PLSCR2: variants seen among roughly 807,000 people sequenced by gnomAD.
The protein encoded by PLSCR2 is phospholipid scramblase 2.
Under a neutral mutation model 25.3 loss-of-function variants are expected in PLSCR2, and 18 were observed. The observed-to-expected ratio is 0.71, with a 90% CI of 0.49 to 1.06. The LOEUF is 1.06. Ranked by LOEUF, PLSCR2 falls within the 50% of genes least tolerant of loss-of-function variation. The probability of loss-of-function intolerance (pLI) is 0.00; values close to 1 mark genes in which losing one functional copy is unlikely to be tolerated. For synonymous variants in PLSCR2, 88 were observed against 87.3 expected, an observed-to-expected ratio of 1.01 and a Z score of -0.04; for missense variants, 243 against 269.5, an observed-to-expected ratio of 0.90 and a Z score of 0.69.
At chr3:146,477,039 A>T in intron 1 of PLSCR2, among the ~76,000 whole-genome samples, 1 of 152,244 alleles carries the variant, frequency 6.6e-6, no homozygotes, top group African/African-American at 2.4e-5. Flanking sequence ...CTCGGATCTC[A>T]TGCCTCCCAG....
At chr3:146,403,323 T>C (rs545218727) in intron 2 of PLSCR2, among the ~76,000 whole-genome samples, 1 of 152,328 alleles carries the variant, frequency 6.6e-6, no homozygotes, top group South Asian at 2.1e-4. Context: ...GTGGTAGTTC[T>C]CAAATTTAAG....
chr3:146,449,877 G>A (rs1359308710), intron 5 of PLSCR2, among the ~76,000 whole-genome samples: 1 of 152,156 alleles, frequency 6.6e-6, no homozygotes, highest in Non-Finnish European at 1.5e-5. Flanking sequence ...GCCTAGAAAA[G>A]AAGACTGACA....
intron 2 of PLSCR2, among the ~76,000 whole-genome samples, chr3:146,408,667 G>A (rs945061144): frequency 5.3e-5 from 8 of 152,026 alleles, no homozygotes; most frequent in South Asian, 2.1e-4. Flanking sequence ...TTAAGAGCAC[G>A]GCTATTTTCG....
At chr3:146,483,711 A>C (rs567433426) in intron 1 of PLSCR2, among the ~76,000 whole-genome samples, 1 of 151,320 alleles carries the variant, frequency 6.6e-6, no homozygotes, top group Non-Finnish European at 1.5e-5. Flanking sequence ...TGACTGTTGA[A>C]AGAAAAGCAA....
exon 5 of PLSCR2, chr3:146,454,058 G>A (rs878888579): frequency 1.2e-6 from 2 of 1,610,064 alleles, no homozygotes; most frequent in Non-Finnish European, 1.7e-6. Flanking sequence ...CTAATTTTTA[G>A]TACATCCTCT....
chr3:146,483,859 C>A (rs1368120288), intron 1 of PLSCR2, among the ~76,000 whole-genome samples: 1 of 151,828 alleles, frequency 6.6e-6, no homozygotes, highest in African/African-American at 2.4e-5. Flanking sequence ...ACTAAAAATG[C>A]AAATGGCCAG....
intron 1 of PLSCR2, among the ~76,000 whole-genome samples, chr3:146,474,503 G>A (rs2042221513): frequency 6.6e-6 from 1 of 152,126 alleles, no homozygotes; most frequent in Non-Finnish European, 1.5e-5. Context: ...TGAGAGGTCT[G>A]TTTTTATCTG....
chr3:146,476,425 C>T (rs1490859811), intron 1 of PLSCR2, among the ~76,000 whole-genome samples: 2 of 152,224 alleles, frequency 1.3e-5, no homozygotes, highest in Non-Finnish European at 2.9e-5. Flanking sequence ...GCCCATGCTA[C>T]CAGGGCCTTG....
rs76056501 is a variant in PLSCR2 at position 146,408,830 on chromosome 3, G to C, written c.101-12909C>G. Among the ~76,000 whole-genome samples, 64 of 152,262 alleles carry C rather than the reference G, an allele frequency of 4.2e-4. No individual in the cohort carries two copies. The East Asian group carries it at 0.011, about 25-fold the overall frequency. ...GTGGCTCCCTTAATACCCATGAGGA[G>C]ATACTGGTGAAAATCATCTAAAGCT... On this transcript the variant is annotated intron_variant and NMD_transcript_variant, in intron 2 of 3. Coordinates refer to the PLSCR2 transcript ENST00000463633.
intron 1 of PLSCR2, among the ~76,000 whole-genome samples, chr3:146,485,943 C>T (rs1244204027): frequency 6.6e-6 from 1 of 152,078 alleles, no homozygotes; most frequent in Non-Finnish European, 1.5e-5. Context: ...CATTCACTAT[C>T]ATGAGAACAG....
At chr3:146,477,964 C>G (rs2042980449) in intron 1 of PLSCR2, among the ~76,000 whole-genome samples, 1 of 152,172 alleles carries the variant, frequency 6.6e-6, no homozygotes, top group African/African-American at 2.4e-5. Flanking sequence ...CCCAGGCAAA[C>G]AGCGTCTGGA....
At chr3:146,406,007 G>A (rs1400725475) in intron 2 of PLSCR2, among the ~76,000 whole-genome samples, 1 of 152,078 alleles carries the variant, frequency 6.6e-6, no homozygotes, top group Non-Finnish European at 1.5e-5. Flanking sequence ...TTTTTGGATG[G>A]TGAACATAGT....
At chr3:146,393,220 G>C (rs1443400944) in intron 3 of PLSCR2, among the ~76,000 whole-genome samples, 2 of 151,162 alleles carry the variant, frequency 1.3e-5, no homozygotes, top group African/African-American at 4.9e-5. Context: ...AGCAGAGACA[G>C]GGTTTCACCG....
intron 2 of PLSCR2, among the ~76,000 whole-genome samples, chr3:146,404,809 C>CA (rs765756845): frequency 0.02 from 912 of 45,014 alleles, 25 homozygotes; most frequent in African/African-American, 0.046. Flanking sequence ...AAGAAATAGG[C>CA]AAAAAAAAAA....
rs55981337 is a variant in PLSCR2, at chr3:146,451,137, G to A, written c.484-1770C>T. 4.7e-3 allele frequency among the ~76,000 whole-genome samples: 504 copies of A among 106,316 alleles called. 4 individuals are homozygous for A. The highest frequency in any genetic ancestry group is 0.017 in the African/African-American group (464 of 27,400). 69.7% of individuals were successfully genotyped at this position (106,316 alleles called of 152,430 possible). A position where few individuals can be genotyped will look rare whatever the true frequency, so the allele number is the denominator to read the frequency against. ...TTTTTTTTTTTTTTTTTTTTGAGACGAAGTCTTGCTCTTGTCCCCCAGGCT... is the reference window on the plus strand; with the variant it reads ...TTTTTTTTTTTTTTTTTTTTGAGACAAAGTCTTGCTCTTGTCCCCCAGGCT... On this transcript the variant is annotated intron_variant, in intron 5 of 6. Transcript: ENST00000610787.
downstream of PLSCR2, among the ~76,000 whole-genome samples, chr3:146,439,998 G>C (rs759985155): frequency 3.9e-5 from 6 of 152,196 alleles, no homozygotes; most frequent in Non-Finnish European, 8.8e-5. Flanking sequence ...CTAACAGTCA[G>C]GACCTTTACC....
At chr3:146,466,069 G>A (rs2041850124) in intron 1 of PLSCR2, among the ~76,000 whole-genome samples, 1 of 152,164 alleles carries the variant, frequency 6.6e-6, no homozygotes, top group East Asian at 1.9e-4. Context: ...CTTGTAACCG[G>A]GAGTTTTACT....
chr3:146,424,816 G>T (rs2039282951), intron 2 of PLSCR2, among the ~76,000 whole-genome samples: 1 of 151,956 alleles, frequency 6.6e-6, no homozygotes, highest in Non-Finnish European at 1.5e-5. Context: ...TTATCAGTTT[G>T]AGTGCACAGT....
intron 1 of PLSCR2, among the ~76,000 whole-genome samples, chr3:146,483,651 G>A (rs971700856): frequency 6.6e-6 from 1 of 150,718 alleles, no homozygotes; most frequent in Non-Finnish European, 1.5e-5. Flanking sequence ...GGTGAATAGG[G>A]CCTGAAGTAA....
Sources: allele counts gnomAD v4.1 joint callset (sites outside exome capture counted in the v4.1 genomes callset), GRCh38; gene constraint gnomAD v4.1.1; transcripts MANE v1.5; gene names NCBI Gene and HGNC (gene_info 2026-07-23, HGNC 2026-07-21).